EPHB1: variants seen among roughly 807,000 people sequenced by gnomAD.
EPHB1 encodes the protein ephrin type-B receptor 1.
Under a neutral mutation model 94.4 loss-of-function variants are expected in EPHB1, and 30 were observed. That is an observed-to-expected ratio of 0.32 (90% CI 0.24 to 0.43). EPHB1 has a LOEUF of 0.43. EPHB1 is among the 20% of genes least tolerant of loss of function. The probability of loss-of-function intolerance (pLI) is 1.00; values close to 1 mark genes in which losing one functional copy is unlikely to be tolerated. For synonymous variants in EPHB1, 522 were observed against 489.1 expected (o/e 1.07, Z -0.89); for missense variants, 1,055 against 1,308.3 (o/e 0.81, Z 2.99).
intron 3 of EPHB1, among the ~76,000 whole-genome samples, chr3:135,097,168 G>GTTTTT (rs145129220): frequency 6.7e-5 from 7 of 104,578 alleles, no homozygotes; most frequent in South Asian, 3.8e-4. Context: ...TTTTTTCTTT[G>GTTTTT]TTTTTTTTTT....
At chr3:134,991,381 G>A (rs1003905226) in intron 3 of EPHB1, among the ~76,000 whole-genome samples, 7 of 152,244 alleles carry the variant, frequency 4.6e-5, no homozygotes, top group East Asian at 1.9e-4. Context: ...TTAAATACTC[G>A]CAACCAGGGC....
intron 1 of EPHB1, among the ~76,000 whole-genome samples, chr3:134,810,483 G>A (rs1421061855): frequency 6.6e-6 from 1 of 152,120 alleles, no homozygotes; most frequent in Non-Finnish European, 1.5e-5. Context: ...AGGACAATGA[G>A]AACAACGCTC....
intron 12 of EPHB1, among the ~76,000 whole-genome samples, chr3:135,219,895 C>T (rs967248644): frequency 1.3e-5 from 2 of 152,144 alleles, no homozygotes; most frequent in South Asian, 4.1e-4. Context: ...TAGTGTTTGC[C>T]TTATGGGCCC....
At chr3:134,976,472 A>G (rs769107046) in intron 3 of EPHB1, among the ~76,000 whole-genome samples, 4 of 152,242 alleles carry the variant, frequency 2.6e-5, no homozygotes, top group Non-Finnish European at 5.9e-5. Context: ...TAACTTTCTA[A>G]TATCATCAAA....
chr3:134,872,183 A>C (rs1358997108), intron 1 of EPHB1, among the ~76,000 whole-genome samples: 1 of 152,224 alleles, frequency 6.6e-6, no homozygotes, highest in African/African-American at 2.4e-5. Flanking sequence ...CAAATTGACA[A>C]GGGATGCCTG....
intron 2 of EPHB1, among the ~76,000 whole-genome samples, chr3:134,942,513 G>T (rs1051624009): frequency 6.6e-6 from 1 of 152,232 alleles, no homozygotes; most frequent in African/African-American, 2.4e-5. Flanking sequence ...ATCTGGTACT[G>T]GGTGGTTGAG....
intron 3 of EPHB1, among the ~76,000 whole-genome samples, chr3:135,093,044 G>A (rs927153210): frequency 3.9e-5 from 6 of 152,118 alleles, no homozygotes; most frequent in African/African-American, 9.7e-5. Flanking sequence ...TCCTCACTCC[G>A]TGTCAATGGA....
intron 3 of EPHB1, among the ~76,000 whole-genome samples, chr3:135,078,659 T>C (rs1938035259): frequency 6.6e-6 from 1 of 151,820 alleles, no homozygotes; most frequent in South Asian, 2.1e-4. Flanking sequence ...GAAGAGGGAG[T>C]ATGGGAGCTG....
At chr3:134,818,687 G>A (rs555918165) in intron 1 of EPHB1, among the ~76,000 whole-genome samples, 3 of 152,238 alleles carry the variant, frequency 2.0e-5, no homozygotes, top group South Asian at 2.1e-4. Flanking sequence ...TGCAAATGCC[G>A]TTAATTCATT....
At chr3:135,189,399 C>T (rs1000737533) in intron 10 of EPHB1, among the ~76,000 whole-genome samples, 1 of 152,172 alleles carries the variant, frequency 6.6e-6, no homozygotes, top group Admixed American at 6.6e-5. Context: ...ACCGGGCAGC[C>T]AGGCCTGGCT....
At chr3:135,150,801 T>C (rs944152408) in intron 5 of EPHB1, among the ~76,000 whole-genome samples, 3 of 152,224 alleles carry the variant, frequency 2.0e-5, no homozygotes, top group African/African-American at 7.2e-5. Context: ...CACATTGGTC[T>C]CCAACATGGA....
chr3:135,111,832 A>C (rs897672421), intron 4 of EPHB1, among the ~76,000 whole-genome samples: 1 of 152,124 alleles, frequency 6.6e-6, no homozygotes, highest in African/African-American at 2.4e-5. Flanking sequence ...GGTGCTCGCC[A>C]CCAGACCCGG....
At chr3:135,135,850 G>A (rs901795547) in intron 5 of EPHB1, among the ~76,000 whole-genome samples, 2 of 152,126 alleles carry the variant, frequency 1.3e-5, no homozygotes, top group Non-Finnish European at 2.9e-5. Context: ...AAGTGGCTGG[G>A]GACTATTGAG....
At chr3:134,947,926 T>A (rs2039244207) in intron 2 of EPHB1, among the ~76,000 whole-genome samples, 1 of 151,998 alleles carries the variant, frequency 6.6e-6, no homozygotes, top group Non-Finnish European at 1.5e-5. Context: ...GAATAGCTGG[T>A]TCTACAGGCA....
chr3:135,216,412 C>T (rs1342913515), intron 12 of EPHB1, among the ~76,000 whole-genome samples: 1 of 151,886 alleles, frequency 6.6e-6, no homozygotes, highest in Non-Finnish European at 1.5e-5. Context: ...GAGTTGGAGA[C>T]AGGTGGATAA....
At chr3:135,164,991 G>A (rs1288157752) in intron 7 of EPHB1, among the ~76,000 whole-genome samples, 1 of 152,118 alleles carries the variant, frequency 6.6e-6, no homozygotes. Context: ...ATTCAAATGT[G>A]ATTGGCAGTC....
At chr3:135,068,142 T>C (rs1937607913) in intron 3 of EPHB1, among the ~76,000 whole-genome samples, 1 of 152,154 alleles carries the variant, frequency 6.6e-6, no homozygotes, top group East Asian at 1.9e-4. Flanking sequence ...CTGCAGTCAT[T>C]CTGGAGCTAA....
rs538451984 is a variant in EPHB1 at position 135,013,433 on chromosome 3, C to A, written c.805+61381C>A. ...AGACACTGGGAGGTAGCGGCCTGAC[C>A]TGCTATATCACCACCGCATACCGAG... On this transcript the variant is annotated intron_variant, in intron 3 of 15. Transcript: ENST00000398015. 6.6e-5 allele frequency among the ~76,000 whole-genome samples: 10 copies of A among 152,260 alleles called. No homozygotes were observed. In the East Asian group the frequency reaches 1.9e-3, roughly 29 times the overall value.
chr3:134,849,817 C>A (rs563823885), intron 1 of EPHB1, among the ~76,000 whole-genome samples: 1 of 152,276 alleles, frequency 6.6e-6, no homozygotes, highest in South Asian at 2.1e-4. Context: ...TCTGTTACCC[C>A]GTTCTTAGAA....
Sources: allele counts gnomAD v4.1 joint callset (sites outside exome capture counted in the v4.1 genomes callset), GRCh38; gene constraint gnomAD v4.1.1; transcripts MANE v1.5; gene names NCBI Gene and HGNC (gene_info 2026-07-23, HGNC 2026-07-21).